CDIN1: variants seen among roughly 807,000 people sequenced by gnomAD.
The protein encoded by CDIN1 is CDAN1 interacting nuclease 1, also known as CDAN1-interacting nuclease 1.
CDIN1 carries 33 observed loss-of-function variants against 45.3 expected under a neutral mutation model. That is an observed-to-expected ratio of 0.73 (90% confidence interval 0.55 to 0.97). The LOEUF (loss-of-function observed/expected upper bound fraction) is 0.97, where lower values mean the gene tolerates loss of function less well. Ranked by LOEUF, CDIN1 falls within the 50% of genes least tolerant of loss-of-function variation. The probability of loss-of-function intolerance (pLI) is 0.00; values close to 1 mark genes in which losing one functional copy is unlikely to be tolerated. For missense variants in CDIN1, 303 were observed against 339.4 expected (o/e 0.89, Z 0.84); for synonymous variants, 118 against 124.4 (o/e 0.95, Z 0.34).
chr15:36,618,208 C>T, intron 1 of CDIN1: 2 of 677,968 alleles, frequency 2.9e-6, no homozygotes, highest in Non-Finnish European at 2.7e-6. Flanking sequence ...AAAAAAAAAC[C>T]TGAAGCCTCA....
intron 5 of CDIN1, among the ~76,000 whole-genome samples, chr15:36,683,218 AT>A (rs1354302924): frequency 1.3e-5 from 2 of 149,884 alleles, no homozygotes; most frequent in Non-Finnish European, 3.0e-5. Flanking sequence ...TAGGTCTAAC[AT>A]TTAAGTCTTT....
intron 1 of CDIN1, among the ~76,000 whole-genome samples, chr15:36,598,913 T>C (rs1050645788): frequency 6.6e-6 from 1 of 152,204 alleles, no homozygotes; most frequent in African/African-American, 2.4e-5. Flanking sequence ...TGCTTTCTAT[T>C]TGAATTAATT....
chr15:36,802,826 G>A (rs2055095559), intron 10 of CDIN1, among the ~76,000 whole-genome samples: 1 of 152,120 alleles, frequency 6.6e-6, no homozygotes, highest in African/African-American at 2.4e-5. Flanking sequence ...GGAATCCTCA[G>A]GGCTTATCTG....
Position 36,682,911 on chromosome 15 carries a change from C to CA in CDIN1, c.347-8769dup, listed in dbSNP as rs199628191. The stretch of plus-strand genomic sequence containing the variant: ...TTGTATTACAAACAAGATTGTTGAA[C>CA]AAAAATAACAGACACAATAACATGG... On this transcript the variant is annotated intron_variant, in intron 5 of 10. Transcript: ENST00000566621. 7.3e-3 allele frequency among the ~76,000 whole-genome samples: 1,103 copies of CA among 151,480 alleles called. 19 individuals are homozygous for CA. Among genetic ancestry groups the CA allele is most frequent in the African/African-American group, 0.026 (1,061 of 41,258 alleles).
intron 10 of CDIN1, among the ~76,000 whole-genome samples, chr15:36,719,014 A>G (rs747176438): frequency 6.6e-6 from 1 of 151,830 alleles, no homozygotes; most frequent in Non-Finnish European, 1.5e-5. Flanking sequence ...TCTTGAGGCC[A>G]GGGGCTCAAG....
intron 10 of CDIN1, among the ~76,000 whole-genome samples, chr15:36,781,533 T>C (rs1031069251): frequency 1.3e-5 from 2 of 148,302 alleles, no homozygotes; most frequent in South Asian, 4.1e-4. Flanking sequence ...AAAGAAACAA[T>C]AGGTGTCCAT....
intron 1 of CDIN1, chr15:36,617,156 A>C (rs2038934917): frequency 1.0e-6 from 1 of 980,148 alleles, no homozygotes; most frequent in African/African-American, 1.6e-5. Context: ...AAAGTATGGC[A>C]AGAAATTGCT....
rs867031193 is a variant in CDIN1 at position 36,673,118 on chromosome 15, C to T, written c.346+15213C>T. Among the ~76,000 whole-genome samples the T allele has an allele frequency of 2.0e-5, 3 of 152,110 alleles. 1 individual carries two copies. In the South Asian group the frequency reaches 6.2e-4, roughly 32 times the overall value. On this transcript the variant is annotated intron_variant, in intron 5 of 10. Coordinates refer to ENST00000566621, the MANE Select transcript of CDIN1 (RefSeq NM_001321759.2). ...GGATGGCACTGGGGAAAAGTATCAG[C>T]ACTTTTTATTTCTAGTGGGAAGATA...
intron 10 of CDIN1, among the ~76,000 whole-genome samples, chr15:36,772,198 AT>A (rs528610356): frequency 8.0e-5 from 12 of 149,400 alleles, no homozygotes; most frequent in East Asian, 2.0e-4. Flanking sequence ...TGAAAACTGT[AT>A]TTTTTTTTTA....
intron 1 of CDIN1, among the ~76,000 whole-genome samples, chr15:36,596,810 A>G (rs893900584): frequency 2.0e-4 from 31 of 152,076 alleles, no homozygotes; most frequent in Non-Finnish European, 3.1e-4. Flanking sequence ...AACAACAACA[A>G]AAAAAACCCA....
At chr15:36,800,107 AT>A (rs1162092732) in intron 10 of CDIN1, among the ~76,000 whole-genome samples, 1 of 152,086 alleles carries the variant, frequency 6.6e-6, no homozygotes, top group Non-Finnish European at 1.5e-5. Context: ...TCAAAATAAC[AT>A]TTTCTTTGTG....
intron 10 of CDIN1, among the ~76,000 whole-genome samples, chr15:36,748,287 G>A (rs1435771548): frequency 6.6e-6 from 1 of 152,226 alleles, no homozygotes; most frequent in East Asian, 1.9e-4. Flanking sequence ...GTGCCAAGTT[G>A]AGGTAAATAG....
rs1595695681 is a variant in CDIN1, at chr15:36,579,636, A to C, written c.-225A>C. 1 of 507,204 alleles carries C rather than the reference A, an allele frequency of 2.0e-6. No homozygotes were observed. 31.4% of individuals were successfully genotyped at this position (507,204 alleles called of 1,614,324 possible). ...AAGCCAAGCTAGGGCACTCTGGTGT[A>C]CAGCCAGTCCCCGCCGCGGAGGTGC... is the stretch of plus-strand genomic sequence containing the variant. On this transcript the variant is annotated 5_prime_UTR_variant, in exon 1 of 11. Transcript: ENST00000566621.
At chr15:36,786,173 TAATTA>T (rs1206675417) in intron 10 of CDIN1, among the ~76,000 whole-genome samples, 1 of 152,234 alleles carries the variant, frequency 6.6e-6, no homozygotes, top group East Asian at 1.9e-4. Context: ...GACTTCACTT[TAATTA>T]GAGTTCAAAG....
rs1452969817 is a variant in CDIN1, at chr15:36,713,666, A to G, written c.716+3705A>G. 2.6e-5 allele frequency among the ~76,000 whole-genome samples: 4 copies of G among 152,166 alleles called. No homozygotes were observed. In the South Asian group the frequency reaches 8.3e-4, roughly 32 times the overall value. ...CACAGTGCCTGGCAGTCAAAAAAAT[A>G]TTAGTTCCCCTCTGCCTGTTTTTCT... On this transcript the variant is annotated intron_variant, in intron 10 of 10. Coordinates refer to ENST00000566621, the MANE Select transcript of CDIN1 (RefSeq NM_001321759.2).
chr15:36,766,850 A>G (rs1460255590), intron 10 of CDIN1, among the ~76,000 whole-genome samples: 3 of 152,172 alleles, frequency 2.0e-5, no homozygotes, highest in African/African-American at 7.2e-5. Context: ...TGGTTTGTAC[A>G]TATTTTCTTC....
chr15:36,686,638 C>T (rs866474439), intron 5 of CDIN1, among the ~76,000 whole-genome samples: 5 of 150,568 alleles, frequency 3.3e-5, no homozygotes, highest in South Asian at 2.1e-4. Flanking sequence ...TCAGCACTTT[C>T]GGAGGCCGAG....
rs557766301 is a variant in CDIN1 at position 36,602,321 on chromosome 15, A to G, written c.101+22360A>G. ...AATGGCTCACAGTTTTAAAAGTGCT[A>G]TAATGAATACTATTTCCTACTGCGG... On this transcript the variant is annotated intron_variant, in intron 1 of 10. Transcript: ENST00000566621. Among the ~76,000 whole-genome samples, 25 of 152,358 alleles carry G rather than the reference A, an allele frequency of 1.6e-4. 1 individual carries two copies. In the South Asian group the frequency reaches 2.7e-3, roughly 16 times the overall value.
chr15:36,599,571 G>T (rs2038000836), intron 1 of CDIN1, among the ~76,000 whole-genome samples: 1 of 152,146 alleles, frequency 6.6e-6, no homozygotes, highest in African/African-American at 2.4e-5. Flanking sequence ...TTCGGTATAG[G>T]ACATTTATAC....
Sources: allele counts gnomAD v4.1 joint callset (sites outside exome capture counted in the v4.1 genomes callset), GRCh38; gene constraint gnomAD v4.1.1; transcripts MANE v1.5; gene names NCBI Gene and HGNC (gene_info 2026-07-23, HGNC 2026-07-21).